Variants in MRPL21 observed in about 807,000 individuals in gnomAD.
MRPL21 encodes the protein large ribosomal subunit protein bL21m.
Under a neutral mutation model 27.3 loss-of-function variants are expected in MRPL21, and 20 were observed. The ratio of observed to expected loss-of-function variants is 0.73; its 90% CI spans 0.52 to 1.06. The LOEUF is 1.06. Among genes scored for constraint, MRPL21 ranks in the 50% least tolerant of loss-of-function variants. MRPL21 has a pLI of 0.00. For missense variants in MRPL21, 249 were observed against 251.4 expected (o/e 0.99, Z 0.06); for synonymous variants, 98 against 101.5 (o/e 0.97, Z 0.21).
Position 68,897,980 on chromosome 11 carries a change from G to C in MRPL21, c.179C>G (p.Pro60Arg), listed in dbSNP as rs1350556027. The change falls in exon 3 of 7, where the codon CCT becomes CGT. Residue 60 changes from proline (P) to arginine (R), a missense_variant. Coordinates refer to ENST00000362034, the MANE Select transcript of MRPL21 (RefSeq NM_181514.2). ...GTCTGGCAGAACAACTTCTGGCCAAGGTGGTGAACTCAGGGATGTTTTAGG... is the reference window on the plus strand; with the variant it reads ...GTCTGGCAGAACAACTTCTGGCCAACGTGGTGAACTCAGGGATGTTTTAGG... ...YVPKTSLSSPPWPEVVLPDPV... is the reference protein window; with the variant it reads ...YVPKTSLSSPRWPEVVLPDPV... 6.2e-7 allele frequency: 1 copy of C among 1,614,048 alleles called. No individual in the cohort carries two copies. The highest frequency in any genetic ancestry group is 1.3e-5 in the African/African-American group (1 of 74,928).
chr11:68,898,408 C>T (rs754336023), intron 2 of MRPL21, among the ~76,000 whole-genome samples: 5 of 152,212 alleles, frequency 3.3e-5, no homozygotes, highest in Admixed American at 6.5e-5. Context: ...TCCCGCCTCC[C>T]TTGGCATCCA....
Position 68,893,934 on chromosome 11 carries a change from C to T in MRPL21, c.397-479G>A, listed in dbSNP as rs577811199. 2.6e-3 allele frequency among the ~76,000 whole-genome samples: 403 copies of T among 152,136 alleles called. 3 individuals are homozygous for T. Among genetic ancestry groups the T allele is most frequent in the African/African-American group, 9.1e-3 (377 of 41,500 alleles). ...AAAAAAATACAAAAACTTAGCTGGG[C>T]GTGGCGGCATGCACCTGTAGTCCCA... On this transcript the variant is annotated intron_variant, in intron 4 of 6. Transcript: ENST00000362034.
intron 3 of MRPL21, chr11:68,897,643 C>A: frequency 2.0e-6 from 1 of 502,882 alleles, no homozygotes; most frequent in Admixed American, 3.4e-5. Context: ...GGAGAGCTGT[C>A]GCTGCACCCA....
Position 68,896,562 on chromosome 11 carries a change from C to A in MRPL21, c.349G>T (p.Gly117Ter). The change falls in exon 4 of 7, where the codon GGA becomes TGA. Residue 117 changes from glycine (G) to a stop codon, truncating the protein, a stop_gained. Coordinates refer to ENST00000362034, the MANE Select transcript of MRPL21 (RefSeq NM_181514.2). LOFTEE classifies it high-confidence loss of function. ...CCACACGCAAGGTCTAGTTCATTTC[C>A]AATTAAGATCAGGTCTTCAGAGGTC... ...KVTSEDLILIGNELDLACGER... is the reference protein window; with the variant it reads ...KVTSEDLILI 6.2e-7 allele frequency: 1 copy of A among 1,614,250 alleles called. No homozygotes were observed. The highest frequency in any genetic ancestry group is 1.1e-5 in the South Asian group (1 of 91,086).
intron 2 of MRPL21, among the ~76,000 whole-genome samples, chr11:68,898,750 TTCCCC>T (rs1031507205): frequency 6.6e-6 from 1 of 152,164 alleles, no homozygotes; most frequent in Non-Finnish European, 1.5e-5. Flanking sequence ...CCCCAGCCAC[TTCCCC>T]TCCCCACCCT....
intron 5 of MRPL21, 193 bp downstream of exon 5, chr11:68,893,210 G>A: frequency 7.2e-7 from 1 of 1,379,742 alleles, no homozygotes; most frequent in Non-Finnish European, 9.6e-7. Flanking sequence ...TCATGAAACA[G>A]CAAGAGACCA....
intron 5 of MRPL21, 123 bp from the exon 6 acceptor site, chr11:68,893,116 A>C (rs143342103): frequency 7.4e-7 from 1 of 1,351,854 alleles, no homozygotes; most frequent in African/African-American, 1.5e-5. Flanking sequence ...ATACGCCCTC[A>C]ATGGAAACAT....
chr11:68,894,806 A>G (rs924840170), intron 4 of MRPL21, among the ~76,000 whole-genome samples: 1 of 152,244 alleles, frequency 6.6e-6, no homozygotes, highest in African/African-American at 2.4e-5. Flanking sequence ...CAATCTGCTT[A>G]GGAGGGGCTT....
chr11:68,894,653 C>T (rs1232810727), intron 4 of MRPL21, among the ~76,000 whole-genome samples: 1 of 152,172 alleles, frequency 6.6e-6, no homozygotes, highest in Non-Finnish European at 1.5e-5. Flanking sequence ...TCATACTCAA[C>T]TTAAATGTCT....
intron 2 of MRPL21, among the ~76,000 whole-genome samples, chr11:68,899,330 T>G (rs1338196464): frequency 6.6e-6 from 1 of 152,156 alleles, no homozygotes; most frequent in African/African-American, 2.4e-5. Flanking sequence ...CAGGGTTGCA[T>G]TAGGAGGAAG....
chr11:68,899,545 C>T (rs1217232790), intron 2 of MRPL21, among the ~76,000 whole-genome samples: 2 of 152,142 alleles, frequency 1.3e-5, no homozygotes, highest in Admixed American at 6.5e-5. Flanking sequence ...ACAAGGAGGA[C>T]AAGGAAGGTG....
rs769823349 is a variant in MRPL21, at chr11:68,892,957, T to C, written c.486A>G (p.Glu162=). 1 of 1,611,378 alleles carries C rather than the reference T, an allele frequency of 6.2e-7. No homozygotes were observed. Among genetic ancestry groups the C allele is most frequent in the South Asian group, 1.1e-5 (1 of 90,646 alleles). ...TGATTCTTGGCCATGATTCTGTCTT[T>C]TCAATGACTGTGGCTTCTACTCGAA... is the stretch of plus-strand genomic sequence containing the variant. ...DLVRVEATVI[E]KTESWPRIIM... Residue 162 remains glutamate (E), a synonymous_variant, in exon 6 of 7, where the codon GAA becomes GAG. Transcript: ENST00000362034.
At position 68,892,985 on chromosome 11, in the gene MRPL21, A is replaced by C; in HGVS notation, c.458T>G (p.Leu153Arg). Residue 153 changes from leucine (L) to arginine (R), a missense_variant, in exon 6 of 7, where the codon CTT becomes CGT. Leu to Arg is a moderately radical substitution (Grantham distance 102). Transcript: ENST00000362034. ...LLGKPLLGKD[L>R]VRVEATVIEK... ...AATGACTGTGGCTTCTACTCGAACAAGATCCTTTCTAGAAGGAAGAAAAAT... is the reference window on the plus strand; with the variant it reads ...AATGACTGTGGCTTCTACTCGAACACGATCCTTTCTAGAAGGAAGAAAAAT... The C allele has an allele frequency of 6.3e-7, 1 of 1,593,830 alleles. No individual in the cohort carries two copies. The highest frequency in any genetic ancestry group is 1.1e-5 in the South Asian group (1 of 87,468).
chr11:68,898,097 T>C (rs576505459), intron 2 of MRPL21, 85 bp from the exon 3 acceptor site: 54 of 1,110,380 alleles, frequency 4.9e-5, no homozygotes, highest in Middle Eastern at 1.9e-4. Context: ...ACACAAATGT[T>C]AGGAAGGGAT....
chr11:68,893,202 A>G (rs1286226817), intron 5 of MRPL21: 2 of 1,373,310 alleles, frequency 1.5e-6, no homozygotes, highest in Middle Eastern at 2.0e-4. Context: ...CCACACTGTC[A>G]TGAAACAGCA....
At chr11:68,892,835 C>A (rs779625205) in intron 6 of MRPL21, 55 bp downstream of exon 6, 2 of 1,584,794 alleles carry the variant, frequency 1.3e-6, no homozygotes, top group Non-Finnish European at 1.7e-6. Flanking sequence ...CGTCCGCATG[C>A]GCCTGGGCAA....
At chr11:68,896,737 G>A (rs1478793828) in intron 3 of MRPL21, 59 bp from the exon 4 acceptor site, 3 of 1,598,858 alleles carry the variant, frequency 1.9e-6, no homozygotes, top group Non-Finnish European at 8.5e-7. Flanking sequence ...ACGCGCTGCA[G>A]TGTGATGTGC....
chr11:68,897,152 C>G (rs1014062915), intron 3 of MRPL21, among the ~76,000 whole-genome samples: 12 of 152,196 alleles, frequency 7.9e-5, no homozygotes, highest in Non-Finnish European at 1.6e-4. Context: ...TATCCCACCC[C>G]TGGGGCAGGA....
At chr11:68,891,883 G>T in intron 6 of MRPL21, 1 of 483,430 alleles carries the variant, frequency 2.1e-6, no homozygotes, top group Non-Finnish European at 3.6e-6. Context: ...TTCTGCAGCC[G>T]CTCAGCTATG....
Sources: gnomAD v4.1 joint callset for allele counts (sites outside exome capture counted in the v4.1 genomes callset) on GRCh38, gnomAD v4.1.1 for gene constraint, MANE v1.5 for transcripts, NCBI Gene and HGNC (gene_info 2026-07-23, HGNC 2026-07-21) for gene names.